The following CLEC3B variants were observed in gnomAD, a reference collection of about 807,000 sequenced individuals.
The protein encoded by CLEC3B is C-type lectin domain family 3 member B.
Under a neutral mutation model 15.4 loss-of-function variants are expected in CLEC3B, and 13 were observed. The ratio of observed to expected loss-of-function variants is 0.84; its 90% CI spans 0.55 to 1.34. CLEC3B has a LOEUF of 1.34. CLEC3B is among the 40% of genes most tolerant of loss of function. The pLI is 0.00. For synonymous variants in CLEC3B, 112 were observed against 114.7 expected (o/e 0.98, Z 0.15); for missense variants, 242 against 268.6 (o/e 0.90, Z 0.69).
intron 1 of CLEC3B, among the ~76,000 whole-genome samples, chr3:45,028,157 T>G (rs1040317362): frequency 6.6e-6 from 1 of 152,148 alleles, no homozygotes; most frequent in African/African-American, 2.4e-5. Context: ...TAGGCACCAG[T>G]CTATATGCTG....
chr3:45,030,221 C>T (rs1460795100), intron 1 of CLEC3B: 8 of 986,072 alleles, frequency 8.1e-6, no homozygotes, highest in African/African-American at 1.7e-5. Flanking sequence ...TGGGCACACA[C>T]TCAGCCAAGC....
At chr3:45,028,808 AAG>A (rs1458659110) in intron 1 of CLEC3B, among the ~76,000 whole-genome samples, 1 of 152,190 alleles carries the variant, frequency 6.6e-6, no homozygotes, top group Admixed American at 6.5e-5. Context: ...TGCCAGGGCC[AAG>A]AGGGGGAGAG....
At chr3:45,031,735 TCTGCATTTTCCACATACCTCCGA>T (rs1185941941) in intron 2 of CLEC3B, among the ~76,000 whole-genome samples, 1 of 152,198 alleles carries the variant, frequency 6.6e-6, no homozygotes, top group Non-Finnish European at 1.5e-5. Flanking sequence ...TGTCATATAG[TCTGCATTTTCCACATACCTCCGA>T]TTTACCTACC....
Position 45,035,627 on chromosome 3 carries a change from C to A in CLEC3B, c.312C>A (p.Thr104=), listed in dbSNP as rs11545365. The A allele has an allele frequency of 1.4e-4, 234 of 1,613,962 alleles. No homozygotes were observed. The highest frequency in any genetic ancestry group is 1.9e-4 in the Non-Finnish European group (222 of 1,180,034). The change falls in exon 3 of 3, where the codon ACC becomes ACA. Residue 104 remains threonine, a synonymous_variant. Transcript: ENST00000296130. ...AGGACTGCATCTCGCGCGGGGGCAC[C>A]CTGGGCACCCCTCAGACTGGCTCGG... ...ASEDCISRGG[T]LGTPQTGSEN...
intron 1 of CLEC3B, among the ~76,000 whole-genome samples, chr3:45,026,765 G>A (rs1697490570): frequency 6.6e-6 from 1 of 152,136 alleles, no homozygotes; most frequent in African/African-American, 2.4e-5. Flanking sequence ...TTTGGCCTGG[G>A]AGTCTGGCAG....
At position 45,035,559 on chromosome 3, in the gene CLEC3B, T is replaced by C; in HGVS notation, c.244T>C (p.Phe82Leu). The C allele has an allele frequency of 6.2e-7, 1 of 1,612,358 alleles. No individual in the cohort carries two copies. The highest frequency in any genetic ancestry group is 8.5e-7 in the Non-Finnish European group (1 of 1,178,842). The change falls in exon 3 of 3, where the codon TTT becomes CTT. Residue 82 changes from phenylalanine (F) to leucine (L), a missense_variant. Phe to Leu is a conservative substitution (Grantham distance 22). Transcript: ENST00000296130. ...GGGGACCAAGGTGCACATGAAATGCTTTCTGGCCTTCACCCAGACGAAGAC... is the reference window on the plus strand; with the variant it reads ...GGGGACCAAGGTGCACATGAAATGCCTTCTGGCCTTCACCCAGACGAAGAC... ...LKGTKVHMKC[F>L]LAFTQTKTFH...
At chr3:45,032,036 G>A (rs897372215) in intron 2 of CLEC3B, among the ~76,000 whole-genome samples, 1 of 151,128 alleles carries the variant, frequency 6.6e-6, no homozygotes, top group African/African-American at 2.4e-5. Flanking sequence ...TGTGACAGCC[G>A]AAAGGAGCAG....
rs1410964143 is a variant in CLEC3B at position 45,035,726 on chromosome 3, C to T, written c.411C>T (p.Asp137=). 1.9e-6 allele frequency: 3 copies of T among 1,613,846 alleles called. No homozygotes were observed. Among genetic ancestry groups the T allele is most frequent in the South Asian group, 2.2e-5 (2 of 91,074 alleles). Residue 137 remains aspartate (D), a synonymous_variant, in exon 3 of 3, where the codon GAC becomes GAT. Transcript: ENST00000296130. ...NEAEIWLGLN[D]MAAEGTWVDM... The stretch of plus-strand genomic sequence containing the variant: ...CCGAGATCTGGCTGGGCCTCAACGA[C>T]ATGGCGGCCGAGGGCACCTGGGTGG...
rs886658172 is a variant in CLEC3B, at chr3:45,035,858, C to G, written c.543C>G (p.Asn181Lys). 6.2e-7 allele frequency: 1 copy of G among 1,612,442 alleles called. No homozygotes were observed. The highest frequency in any genetic ancestry group is 1.3e-5 in the African/African-American group (1 of 75,052). Residue 181 changes from asparagine to lysine, a missense_variant, in exon 3 of 3, where the codon AAC becomes AAG. By Grantham distance (94) the Asn-to-Lys change is moderately conservative (BLOSUM62 0). Coordinates refer to ENST00000296130, the MANE Select transcript of CLEC3B (RefSeq NM_003278.3). ...GCGCGGTCCTGTCAGGCGCGGCCAA[C>G]GGCAAGTGGTTCGACAAGCGCTGCC... Reference protein sequence around the residue: ...ENCAVLSGAANGKWFDKRCRD... With the variant: ...ENCAVLSGAAKGKWFDKRCRD...
Position 45,035,933 on chromosome 3 carries a change from G to A in CLEC3B, c.*9G>A, listed in dbSNP as rs1161376662. The A allele has an allele frequency of 1.9e-6, 3 of 1,576,770 alleles. No homozygotes were observed. Among genetic ancestry groups the A allele is most frequent in the Non-Finnish European group, 2.6e-6 (3 of 1,160,838 alleles). On this transcript the variant is annotated 3_prime_UTR_variant, in exon 3 of 3. Transcript: ENST00000296130. ...AGTTCGGGATCGTGTAGCCGGCGGG[G>A]CGGGGGCCGTGGGGGGCCTGGAGGA...
intron 1 of CLEC3B, among the ~76,000 whole-genome samples, chr3:45,028,406 AT>A (rs1485846909): frequency 3.3e-5 from 5 of 152,152 alleles, no homozygotes; most frequent in African/African-American, 1.2e-4. Flanking sequence ...AAATACAAAA[AT>A]TAGCTGAGTG....
intron 1 of CLEC3B, among the ~76,000 whole-genome samples, chr3:45,029,023 G>T (rs959748996): frequency 4.6e-5 from 7 of 152,174 alleles, no homozygotes; most frequent in African/African-American, 1.7e-4. Context: ...CAGGGAACTG[G>T]GGGAACCTGG....
chr3:45,030,705 A>T (rs1405299719), intron 1 of CLEC3B, 122 bp from the exon 2 acceptor site: 4 of 674,314 alleles, frequency 5.9e-6, no homozygotes, highest in Non-Finnish European at 1.0e-5. Context: ...GGATAGAGAG[A>T]GAGAAAGTTT....
rs570163557 is a variant in CLEC3B, at chr3:45,032,226, C to T, written c.208+1301C>T. Among the ~76,000 whole-genome samples, 81 of 152,260 alleles carry T rather than the reference C, an allele frequency of 5.3e-4. 1 individual carries two copies. The highest frequency in any genetic ancestry group is 1.3e-4 in the Admixed American group (2 of 15,304). The stretch of plus-strand genomic sequence containing the variant: ...CCCCGCCTGCCTCCTCAGAAACCCC[C>T]AACAGCCTTCTCACCGGATGGTTTT... On this transcript the variant is annotated intron_variant, in intron 2 of 2. Coordinates refer to ENST00000296130, the MANE Select transcript of CLEC3B (RefSeq NM_003278.3).
At position 45,035,840 on chromosome 3, in the gene CLEC3B, C is replaced by G; in HGVS notation, c.525C>G (p.Val175=). The G allele has an allele frequency of 6.2e-7, 1 of 1,613,074 alleles. No individual in the cohort carries two copies. Among genetic ancestry groups the G allele is most frequent in the Non-Finnish European group, 8.5e-7 (1 of 1,179,936 alleles). The change falls in exon 3 of 3, where the codon GTC becomes GTG. Residue 175 remains valine (V), a synonymous_variant. Coordinates refer to ENST00000296130, the MANE Select transcript of CLEC3B (RefSeq NM_003278.3). The stretch of plus-strand genomic sequence containing the variant: ...GCGGCAAGACCGAGAACTGCGCGGT[C>G]CTGTCAGGCGCGGCCAACGGCAAGT... ...PDGGKTENCA[V]LSGAANGKWF...
At chr3:45,033,756 A>G (rs1697598827) in intron 2 of CLEC3B, among the ~76,000 whole-genome samples, 1 of 152,240 alleles carries the variant, frequency 6.6e-6, no homozygotes, top group African/African-American at 2.4e-5. Flanking sequence ...CAATGATAGT[A>G]TCACGAGAAG....
At position 45,030,963 on chromosome 3, in the gene CLEC3B, T is replaced by C; in HGVS notation, c.208+38T>C. On this transcript the variant is annotated intron_variant, in intron 2 of 2. Transcript: ENST00000296130. ...AGTAGCCTCTCTGGGCAGGAGCGTC[T>C]GAGAGAAGGGCCCAGGCCAGCAGCC... is the stretch of plus-strand genomic sequence containing the variant. The C allele has an allele frequency of 5.6e-6, 8 of 1,423,666 alleles. No homozygotes were observed. In the South Asian group the frequency reaches 9.9e-5, roughly 18 times the overall value. 88.2% of individuals were successfully genotyped at this position (1,423,666 alleles called of 1,614,324 possible).
chr3:45,027,975 C>T (rs981021267), intron 1 of CLEC3B, among the ~76,000 whole-genome samples: 1 of 152,056 alleles, frequency 6.6e-6, no homozygotes. Context: ...CCTTGGTTCT[C>T]TCCAGCTGTC....
At chr3:45,031,486 T>C (rs1263070985) in intron 2 of CLEC3B, among the ~76,000 whole-genome samples, 3 of 152,250 alleles carry the variant, frequency 2.0e-5, no homozygotes, top group Non-Finnish European at 4.4e-5. Context: ...AACTGAGGCA[T>C]AGACAGGTCC....
Sources: allele counts gnomAD v4.1 joint callset (sites outside exome capture counted in the v4.1 genomes callset), GRCh38; gene constraint gnomAD v4.1.1; transcripts MANE v1.5; gene names NCBI Gene and HGNC (gene_info 2026-07-23, HGNC 2026-07-21).